The following MPP7 variants were observed in gnomAD, a reference collection of about 807,000 sequenced individuals.
The protein encoded by MPP7 is MAGUK p55 scaffold protein 7, also known as MAGUK p55 subfamily member 7.
MPP7 carries 60 observed loss-of-function variants against 76.5 expected under a neutral mutation model. That is an observed-to-expected ratio of 0.78 (90% CI 0.64 to 0.97). The LOEUF (loss-of-function observed/expected upper bound fraction) is 0.97. Among genes scored for constraint, MPP7 ranks in the 50% least tolerant of loss-of-function variants. MPP7 has a pLI of 0.00. For synonymous variants in MPP7, 237 were observed against 244.5 expected (o/e 0.97, Z 0.29); for missense variants, 641 against 694.0 (o/e 0.92, Z 0.86).
In MPP7 at chr10:28,169,708, GT is replaced by G. The variant is rs1371541473; in HGVS notation, c.157-19650del. On this transcript the variant is annotated intron_variant, in intron 3 of 16. Coordinates refer to ENST00000683449, the MANE Select transcript of MPP7 (RefSeq NM_001318170.2). Reference sequence around the variant, plus strand: ...GGTTTCTGCTGCTATTGTAAGTAGGGTTTTTTTGTTTGTTTATTTCATTTCC... The same window carrying G: ...GGTTTCTGCTGCTATTGTAAGTAGGGTTTTTTGTTTGTTTATTTCATTTCC... Among the ~76,000 whole-genome samples the G allele has an allele frequency of 2.4e-4, 36 of 152,044 alleles. 1 individual carries two copies. Among genetic ancestry groups the G allele is most frequent in the Admixed American group, 2.3e-3 (35 of 15,256 alleles).
chr10:28,138,512 A>T (rs1835416513), intron 5 of MPP7, among the ~76,000 whole-genome samples: 1 of 152,210 alleles, frequency 6.6e-6, no homozygotes, highest in African/African-American at 2.4e-5. Flanking sequence ...TTTTGTAGAC[A>T]TTATTGACTA....
chr10:28,215,589 A>G (rs2134038397), intron 2 of MPP7, among the ~76,000 whole-genome samples: 1 of 152,314 alleles, frequency 6.6e-6, no homozygotes, highest in Non-Finnish European at 1.5e-5. Context: ...AGTGAGGAAC[A>G]GAAAGAGAAC....
chr10:28,238,618 G>A lies in MPP7; in HGVS notation c.-14C>T, dbSNP rs1839158684. ...CAAAGCTGGCATGATGCAAGGTGTA[G>A]GAACAGGTCAGCCCACCGCTCTCCG... On this transcript the variant is annotated 5_prime_UTR_variant, in exon 2 of 17. Transcript: ENST00000683449. 4 of 1,614,014 alleles carry A rather than the reference G, an allele frequency of 2.5e-6. No homozygotes were observed. Among genetic ancestry groups the A allele is most frequent in the South Asian group, 2.2e-5 (2 of 91,086 alleles).
chr10:28,127,074 C>T (rs564864234), intron 6 of MPP7, among the ~76,000 whole-genome samples: 10 of 152,170 alleles, frequency 6.6e-5, no homozygotes, highest in African/African-American at 2.2e-4. Flanking sequence ...ATATTGTTTT[C>T]GCCACAACAT....
At chr10:28,192,749 T>A (rs1588905238) in intron 3 of MPP7, among the ~76,000 whole-genome samples, 1 of 152,320 alleles carries the variant, frequency 6.6e-6, no homozygotes, top group East Asian at 1.9e-4. Context: ...CAGCAGATTA[T>A]TTTGTGGATA....
chr10:28,177,260 C>CAAAAAAAA (rs57984876), intron 3 of MPP7, among the ~76,000 whole-genome samples: 20 of 104,154 alleles, frequency 1.9e-4, no homozygotes, highest in East Asian at 1.2e-3. Flanking sequence ...ACTAAAAATG[C>CAAAAAAAA]AAAAAAAAAA....
At chr10:28,057,605 C>CTTTTTTTTTTTTTTT (rs59550501) in intron 15 of MPP7, 2 of 122,424 alleles carry the variant, frequency 1.6e-5, no homozygotes, top group African/African-American at 1.4e-4. Context: ...AATTAAACCT[C>CTTTTTTTTTTTTTTT]TTTTTTTTTT....
intron 12 of MPP7, among the ~76,000 whole-genome samples, chr10:28,074,155 A>G (rs933065433): frequency 6.6e-6 from 1 of 152,214 alleles, no homozygotes; most frequent in Non-Finnish European, 1.5e-5. Flanking sequence ...TAAAACATTT[A>G]GTGTTGTTAT....
At chr10:28,248,387 G>A (rs1211663371) in intron 1 of MPP7, among the ~76,000 whole-genome samples, 1 of 152,070 alleles carries the variant, frequency 6.6e-6, no homozygotes, top group Admixed American at 6.5e-5. Context: ...CACAAGAAAC[G>A]GAAAATGATG....
chr10:28,178,883 T>G (rs1177766204), intron 3 of MPP7, among the ~76,000 whole-genome samples: 2 of 152,168 alleles, frequency 1.3e-5, no homozygotes, highest in African/African-American at 4.8e-5. Context: ...GGAATTAAAA[T>G]AGCAGCAGCG....
At chr10:28,256,475 A>G (rs1468838759) in intron 1 of MPP7, among the ~76,000 whole-genome samples, 2 of 152,188 alleles carry the variant, frequency 1.3e-5, no homozygotes, top group Non-Finnish European at 2.9e-5. Flanking sequence ...ACAAATATAT[A>G]TATGTGCAAA....
chr10:28,332,246 C>CGCGTGT (rs1834477658), intron 1 of MPP7, among the ~76,000 whole-genome samples: 1 of 146,794 alleles, frequency 6.8e-6, no homozygotes, highest in African/African-American at 2.5e-5. Context: ...CAAATGTATG[C>CGCGTGT]GTGTGTGTGT....
chr10:28,318,859 T>C (rs1476851927), intron 2 of MPP7, among the ~76,000 whole-genome samples: 1 of 152,248 alleles, frequency 6.6e-6, no homozygotes, highest in Non-Finnish European at 1.5e-5. Context: ...GTGTTTTCTC[T>C]TCACAAGTTA....
chr10:28,059,507 AATT>A, intron 14 of MPP7, 140 bp downstream of exon 14: 2 of 567,062 alleles, frequency 3.5e-6, no homozygotes, highest in Non-Finnish European at 6.1e-6. Context: ...TTACCAACCA[AATT>A]ATTACCTTTT....
intron 11 of MPP7, among the ~76,000 whole-genome samples, chr10:28,093,036 A>C (rs367569406): frequency 1.2e-4 from 19 of 152,188 alleles, no homozygotes; most frequent in African/African-American, 4.3e-4. Context: ...TCTGTCACGG[A>C]TGTGTGCTGG....
At chr10:28,199,279 A>G (rs1837693000) in intron 3 of MPP7, among the ~76,000 whole-genome samples, 1 of 152,180 alleles carries the variant, frequency 6.6e-6, no homozygotes, top group African/African-American at 2.4e-5. Flanking sequence ...CAGCTAAACC[A>G]TATCAATATG....
Position 28,079,870 on chromosome 10 carries a change from C to T in MPP7, c.1123+9801G>A, listed in dbSNP as rs1852677815. Among the ~76,000 whole-genome samples the T allele has an allele frequency of 2.0e-5, 3 of 152,054 alleles. No homozygotes were observed. The South Asian group carries it at 6.2e-4, about 31-fold the overall frequency. On this transcript the variant is annotated intron_variant, in intron 12 of 16. Transcript: ENST00000683449. The stretch of plus-strand genomic sequence containing the variant: ...AATAAGCATATGGATGGGCATAATC[C>T]TATCACTTAGGAAGGCCGAGGCGGG...
At position 28,124,946 on chromosome 10, in the gene MPP7, T is replaced by C. The variant is rs868779982; in HGVS notation, c.529+64A>G. ...AAAGATGGTTATCCTCTTAGTTATC[T>C]ACTGGAAATGCTACACACGAAACAC... On this transcript the variant is annotated intron_variant, in intron 7 of 16. Transcript: ENST00000683449. The C allele has an allele frequency of 3.1e-5, 41 of 1,312,574 alleles. No homozygotes were observed. In the Middle Eastern group the frequency reaches 5.5e-4, roughly 17 times the overall value. The allele number at this position is 1,312,574 out of a possible 1,614,324, so 81.3% of individuals were successfully genotyped here. A position where few individuals can be genotyped will look rare whatever the true frequency, so the allele number is the denominator to read the frequency against.
At chr10:28,214,924 A>G (rs1240406629) in intron 2 of MPP7, among the ~76,000 whole-genome samples, 1 of 152,140 alleles carries the variant, frequency 6.6e-6, no homozygotes, top group Admixed American at 6.5e-5. Flanking sequence ...CCTGGGGGTA[A>G]CATCACTATT....
Sources: allele counts gnomAD v4.1 joint callset (sites outside exome capture counted in the v4.1 genomes callset), GRCh38; gene constraint gnomAD v4.1.1; transcripts MANE v1.5; gene names NCBI Gene and HGNC (gene_info 2026-07-23, HGNC 2026-07-21).